ADGRB3: variants seen among roughly 807,000 people sequenced by gnomAD.
The protein encoded by ADGRB3 is adhesion G protein-coupled receptor B3.
ADGRB3 carries 37 observed loss-of-function variants against 193.4 expected under a neutral mutation model. The observed-to-expected ratio is 0.19, with a 90% confidence interval of 0.15 to 0.25. ADGRB3 has a LOEUF of 0.25. ADGRB3 is among the 10% of genes least tolerant of loss of function. ADGRB3 has a pLI of 1.00. For synonymous variants in ADGRB3, 690 were observed against 644.2 expected (o/e 1.07, Z -1.08); for missense variants, 1,637 against 1,852.9 (o/e 0.88, Z 2.14).
At chr6:68,678,814 C>T (rs1764823532) in intron 3 of ADGRB3, among the ~76,000 whole-genome samples, 1 of 151,954 alleles carries the variant, frequency 6.6e-6, no homozygotes, top group South Asian at 2.1e-4. Flanking sequence ...TTCCAGGATT[C>T]AGTGAAACTC....
At chr6:68,989,157 C>A (rs1266017620) in intron 10 of ADGRB3, among the ~76,000 whole-genome samples, 4 of 151,990 alleles carry the variant, frequency 2.6e-5, no homozygotes, top group Non-Finnish European at 1.5e-5. Flanking sequence ...GAAGAAGAAT[C>A]AGCAAATGCA....
At chr6:69,203,102 A>T (rs1420889897) in intron 17 of ADGRB3, among the ~76,000 whole-genome samples, 1 of 152,126 alleles carries the variant, frequency 6.6e-6, no homozygotes, top group Non-Finnish European at 1.5e-5. Context: ...TCTGAGAGAA[A>T]CTCAGTTAAG....
chr6:68,865,202 G>T (rs1765262158), intron 3 of ADGRB3, among the ~76,000 whole-genome samples: 1 of 151,880 alleles, frequency 6.6e-6, no homozygotes, highest in Admixed American at 6.6e-5. Context: ...CTCATCCTCA[G>T]ACCCTCTCCT....
intron 11 of ADGRB3, among the ~76,000 whole-genome samples, chr6:68,998,811 C>G (rs149826467): frequency 2.6e-5 from 4 of 152,162 alleles, no homozygotes; most frequent in Admixed American, 6.5e-5. Context: ...AGCTGTACCC[C>G]GAAGAGGTGG....
intron 10 of ADGRB3, among the ~76,000 whole-genome samples, chr6:68,984,840 A>G (rs1769025519): frequency 6.6e-6 from 1 of 152,152 alleles, no homozygotes; most frequent in Non-Finnish European, 1.5e-5. Context: ...AAAGATGAAT[A>G]CAGTGAAAAG....
intron 17 of ADGRB3, among the ~76,000 whole-genome samples, chr6:69,078,792 G>C (rs1478998695): frequency 2.0e-5 from 3 of 151,826 alleles, no homozygotes; most frequent in East Asian, 3.9e-4. Context: ...TTTTCGTTTG[G>C]TTACCACCTG....
chr6:68,885,523 TAGAC>T (rs766411792), intron 3 of ADGRB3, among the ~76,000 whole-genome samples: 233 of 152,246 alleles, frequency 1.5e-3, no homozygotes, highest in Middle Eastern at 3.4e-3. Flanking sequence ...AGTTTTGAAA[TAGAC>T]AGTATATATT....
chr6:69,119,741 G>A (rs181599130), intron 17 of ADGRB3, among the ~76,000 whole-genome samples: 7 of 152,272 alleles, frequency 4.6e-5, no homozygotes, highest in African/African-American at 9.6e-5. Context: ...TATCAGGAGC[G>A]GAGCATGGAG....
At chr6:68,854,713 C>T (rs1432074039) in intron 3 of ADGRB3, among the ~76,000 whole-genome samples, 1 of 152,122 alleles carries the variant, frequency 6.6e-6, no homozygotes, top group Non-Finnish European at 1.5e-5. Flanking sequence ...TAGATCTTAT[C>T]CACTGAATAC....
chr6:69,186,514 C>T (rs1765072813), intron 17 of ADGRB3, among the ~76,000 whole-genome samples: 2 of 151,222 alleles, frequency 1.3e-5, no homozygotes, highest in African/African-American at 4.9e-5. Flanking sequence ...GCAAATCTGT[C>T]TTCTGATTAT....
At chr6:68,939,289 C>T (rs1448415630) in intron 5 of ADGRB3, among the ~76,000 whole-genome samples, 3 of 152,078 alleles carry the variant, frequency 2.0e-5, no homozygotes, top group Non-Finnish European at 4.4e-5. Flanking sequence ...TGGTGATGAC[C>T]TTGAGCAGTA....
At chr6:68,988,666 TG>T (rs1404309880) in intron 10 of ADGRB3, among the ~76,000 whole-genome samples, 1 of 152,138 alleles carries the variant, frequency 6.6e-6, no homozygotes, top group Non-Finnish European at 1.5e-5. Context: ...AAAAAGCTAT[TG>T]GAGTGTTAGA....
At chr6:69,358,447 A>G (rs1488579628) in intron 28 of ADGRB3, among the ~76,000 whole-genome samples, 5 of 151,864 alleles carry the variant, frequency 3.3e-5, no homozygotes, top group Non-Finnish European at 7.4e-5. Flanking sequence ...GCCTCATTGT[A>G]TGCTGGGATT....
At chr6:69,141,136 GCGGT>G (rs1749608056) in intron 17 of ADGRB3, among the ~76,000 whole-genome samples, 4 of 125,816 alleles carry the variant, frequency 3.2e-5, no homozygotes, top group Admixed American at 8.5e-5. Flanking sequence ...TTTGGGGGGG[GCGGT>G]GGGGACGGAG....
intron 3 of ADGRB3, among the ~76,000 whole-genome samples, chr6:68,819,330 G>A (rs958003289): frequency 6.6e-6 from 1 of 151,844 alleles, no homozygotes. Flanking sequence ...TATTTGGTAT[G>A]TTTTATGGCA....
intron 3 of ADGRB3, among the ~76,000 whole-genome samples, chr6:68,910,734 C>A (rs1249497041): frequency 6.6e-6 from 1 of 152,134 alleles, no homozygotes; most frequent in Admixed American, 6.5e-5. Context: ...GGCATTATTT[C>A]TGAGGGCTCT....
intron 3 of ADGRB3, among the ~76,000 whole-genome samples, chr6:68,910,746 T>G (rs967185381): frequency 6.6e-6 from 1 of 152,202 alleles, no homozygotes; most frequent in African/African-American, 2.4e-5. Flanking sequence ...GAGGGCTCTG[T>G]TCTGTTCCAT....
chr6:69,335,071 C>T (rs1768817884), intron 24 of ADGRB3, among the ~76,000 whole-genome samples: 1 of 151,688 alleles, frequency 6.6e-6, no homozygotes, highest in Non-Finnish European at 1.5e-5. Context: ...CCATCCAAGA[C>T]ATGAAGGTCA....
chr6:68,897,405 A>AGAGG (rs1187138341), intron 3 of ADGRB3, among the ~76,000 whole-genome samples: 18 of 127,888 alleles, frequency 1.4e-4, no homozygotes, highest in African/African-American at 2.6e-4. Context: ...AAAGAGAGAG[A>AGAGG]GAGGGAGGGA....
Sources: gnomAD v4.1 joint callset for allele counts (sites outside exome capture counted in the v4.1 genomes callset) on GRCh38, gnomAD v4.1.1 for gene constraint, MANE v1.5 for transcripts, NCBI Gene and HGNC (gene_info 2026-07-23, HGNC 2026-07-21) for gene names.